Variants in ST14 observed in about 807,000 individuals in gnomAD.
ST14 encodes suppressor of tumorigenicity 14 protein.
Under a neutral mutation model 96.5 loss-of-function variants are expected in ST14, and 40 were observed. That is an observed-to-expected ratio of 0.41 (90% CI 0.32 to 0.54). The LOEUF (loss-of-function observed/expected upper bound fraction) is 0.54, where lower values mean the gene tolerates loss of function less well. Among genes scored for constraint, ST14 ranks in the 20% least tolerant of loss-of-function variants. The probability of loss-of-function intolerance (pLI) is 0.17; values close to 1 mark genes in which losing one functional copy is unlikely to be tolerated. For synonymous variants in ST14, 506 were observed against 492.1 expected, an observed-to-expected ratio of 1.03 and a Z score of -0.37; for missense variants, 1,066 against 1,188.9, an observed-to-expected ratio of 0.90 and a Z score of 1.52.
chr11:130,188,319 C>T lies in ST14; in HGVS notation c.241+46C>T. On this transcript the variant is annotated intron_variant, in intron 2 of 18. Coordinates refer to ENST00000278742, the MANE Select transcript of ST14 (RefSeq NM_021978.4). This position sits in a 1 kb window ranked among gnomAD's most constrained non-coding sequence, Gnocchi z 5.4. ...CTCCGGGGAGGACGACAAGGGGTGG[C>T]TGTCCCTCTTCCCTCAGCGGACAGA... The T allele has an allele frequency of 6.3e-7, 1 of 1,596,916 alleles. No homozygotes were observed. The highest frequency in any genetic ancestry group is 8.5e-7 in the Non-Finnish European group (1 of 1,170,568).
intron 1 of ST14, among the ~76,000 whole-genome samples, chr11:130,179,403 T>C (rs1041013412): frequency 3.9e-5 from 6 of 152,166 alleles, no homozygotes; most frequent in Admixed American, 2.6e-4. Context: ...TTACCCCTGG[T>C]TGGGGAGTGG....
At chr11:130,179,179 C>T (rs369630065) in intron 1 of ST14, among the ~76,000 whole-genome samples, 1 of 152,206 alleles carries the variant, frequency 6.6e-6, no homozygotes, top group Non-Finnish European at 1.5e-5. Context: ...ATAAAAACTT[C>T]CACATCCGAG....
chr11:130,197,413 C>A (rs535860234), intron 11 of ST14, among the ~76,000 whole-genome samples: 2 of 152,376 alleles, frequency 1.3e-5, no homozygotes, highest in South Asian at 4.1e-4. Flanking sequence ...GAAGGAAGTG[C>A]GCGATGCCGC....
rs1211642958 is a variant in ST14, at chr11:130,187,081, G to A, written c.82-1033G>A. Among the ~76,000 whole-genome samples, 4 of 152,170 alleles carry A rather than the reference G, an allele frequency of 2.6e-5. No homozygotes were observed. The highest frequency in any genetic ancestry group is 9.7e-5 in the African/African-American group (4 of 41,434). On this transcript the variant is annotated intron_variant, in intron 1 of 18. Coordinates refer to ENST00000278742, the MANE Select transcript of ST14 (RefSeq NM_021978.4). This position sits in a 1 kb window ranked among gnomAD's most constrained non-coding sequence, Gnocchi z 4.5. ...GCTTAAATTTACACTGTCGAATTAC[G>A]AGATCACCACCAGAAGAATGACATC...
At chr11:130,192,649 C>T (rs1953315893) in intron 7 of ST14, among the ~76,000 whole-genome samples, 1 of 152,244 alleles carries the variant, frequency 6.6e-6, no homozygotes, top group Non-Finnish European at 1.5e-5. Context: ...GCCTTGGCCT[C>T]CCAAAGTACT....
intron 14 of ST14, 30 bp downstream of exon 14, chr11:130,198,651 G>T: frequency 6.3e-7 from 1 of 1,599,024 alleles, no homozygotes; most frequent in Non-Finnish European, 8.6e-7. Flanking sequence ...TCTTCCTGTT[G>T]GGGGCCTCGC....
In ST14 at chr11:130,200,001, G is replaced by C; in HGVS notation, c.1858G>C (p.Asp620His). The C allele has an allele frequency of 6.2e-7, 1 of 1,614,092 alleles. No individual in the cohort carries two copies. Among genetic ancestry groups the C allele is most frequent in the Non-Finnish European group, 8.5e-7 (1 of 1,179,968 alleles). ...TRQARVVGGTDADEGEWPWQV... is the reference protein window; with the variant it reads ...TRQARVVGGTHADEGEWPWQV... ...ACAGGCTCGTGTTGTTGGGGGCACG[G>C]ATGCGGATGAGGGCGAGTGGCCCTG... The change falls in exon 16 of 19, where the codon GAT becomes CAT. Residue 620 changes from aspartate to histidine, a missense_variant. Asp to His is a moderately conservative substitution (Grantham distance 81, BLOSUM62 -1). Transcript: ENST00000278742.
rs1238993881 is a variant in ST14 at position 130,187,324 on chromosome 11, C to A, written c.82-790C>A. On this transcript the variant is annotated intron_variant, in intron 1 of 18. Transcript: ENST00000278742. The surrounding 1 kb of genome is among the most constrained non-coding windows in gnomAD (Gnocchi z 4.5). ...GCAGCAGACACCCCACCTGCCCCTC[C>A]GTATTCTGGCCCCTCATCATGGATA... 6.6e-6 allele frequency among the ~76,000 whole-genome samples: 1 copy of A among 152,216 alleles called. No homozygotes were observed. The highest frequency in any genetic ancestry group is 2.1e-4 in the South Asian group (1 of 4,826).
intron 17 of ST14, 96 bp from the exon 18 acceptor site, chr11:130,209,346 C>T (rs1474718511): frequency 7.3e-6 from 11 of 1,511,436 alleles, no homozygotes; most frequent in Admixed American, 3.9e-5. Flanking sequence ...CTGGGCTGTT[C>T]CAGAGTTTTC....
intron 1 of ST14, among the ~76,000 whole-genome samples, chr11:130,172,809 A>ATTTAT (rs1304024887): frequency 6.6e-6 from 1 of 152,102 alleles, no homozygotes; most frequent in African/African-American, 2.4e-5. Context: ...TGCCGTGTTT[A>ATTTAT]TTTATTTGCA....
intron 1 of ST14, among the ~76,000 whole-genome samples, chr11:130,175,287 C>G (rs1408343943): frequency 6.6e-6 from 1 of 152,030 alleles, no homozygotes; most frequent in African/African-American, 2.4e-5. Context: ...TAGAACATAT[C>G]TTGGCTGATT....
At position 130,188,856 on chromosome 11, in the gene ST14, T is replaced by A; in HGVS notation, c.370-13T>A. On this transcript the variant is annotated splice_polypyrimidine_tract_variant and intron_variant, in intron 3 of 18. Coordinates refer to ENST00000278742, the MANE Select transcript of ST14 (RefSeq NM_021978.4). The surrounding 1 kb of genome is among the most constrained non-coding windows in gnomAD (Gnocchi z 5.4). ...CCGCATGGGGCTCACCTTGAGTCTC[T>A]GCCCTTCCTCAGCTGAAGCTGCTGT... is the stretch of plus-strand genomic sequence containing the variant. The A allele has an allele frequency of 1.2e-6, 2 of 1,612,340 alleles. No homozygotes were observed. The highest frequency in any genetic ancestry group is 8.5e-7 in the Non-Finnish European group (1 of 1,179,366).
intron 11 of ST14, 124 bp from the exon 12 acceptor site, chr11:130,197,717 G>A (rs897325664): frequency 5.1e-6 from 4 of 789,650 alleles, no homozygotes. Context: ...CCCTGCCCTG[G>A]GCCACAGCAC....
chr11:130,209,901 ACT>A lies in ST14; in HGVS notation c.*79_*80del. The A allele has an allele frequency of 6.4e-7, 1 of 1,554,838 alleles. No individual in the cohort carries two copies. The highest frequency in any genetic ancestry group is 8.8e-7 in the Non-Finnish European group (1 of 1,141,170). On this transcript the variant is annotated 3_prime_UTR_variant, in exon 19 of 19. Coordinates refer to ENST00000278742, the MANE Select transcript of ST14 (RefSeq NM_021978.4). ...CAGTGTGCACGCCTGCAGGCTGGAGACTGGACCGCTGACTGCACCAGCGCCCC... is the reference window on the plus strand; with the variant it reads ...CAGTGTGCACGCCTGCAGGCTGGAGAGGACCGCTGACTGCACCAGCGCCCC...
chr11:130,188,499 C>T lies in ST14; in HGVS notation c.242-31C>T, dbSNP rs780509353. The T allele has an allele frequency of 1.2e-6, 2 of 1,611,474 alleles. No homozygotes were observed. The highest frequency in any genetic ancestry group is 1.7e-6 in the Non-Finnish European group (2 of 1,179,872). ...GGACAGGCGGGGGTGGTACCACCTC[C>T]CCTGACTGAGCGCCTTCTGGTCTCA... On this transcript the variant is annotated intron_variant, in intron 2 of 18. Transcript: ENST00000278742. The surrounding 1 kb of genome is among the most constrained non-coding windows in gnomAD (Gnocchi z 5.4).
Position 130,196,412 on chromosome 11 carries a change from C to A in ST14, c.1187C>A (p.Thr396Asn), listed in dbSNP as rs1252119967. The A allele has an allele frequency of 1.9e-6, 3 of 1,610,612 alleles. No homozygotes were observed. Among genetic ancestry groups the A allele is most frequent in the Non-Finnish European group, 2.5e-6 (3 of 1,178,744 alleles). The change falls in exon 10 of 19, where the codon ACC (threonine) becomes AAC (asparagine). Residue 396 changes from threonine (T) to asparagine (N), a missense_variant. Transcript: ENST00000278742. ...CTGGAGCCCGGCGTGCCTGCGGGCA[C>A]CTGCCCCAAGGACTACGTGGAGATC... ...YLLEPGVPAGTCPKDYVEING... is the reference protein window; with the variant it reads ...YLLEPGVPAGNCPKDYVEING...
At chr11:130,176,457 C>T (rs529995279) in intron 1 of ST14, among the ~76,000 whole-genome samples, 12 of 151,716 alleles carry the variant, frequency 7.9e-5, no homozygotes, top group East Asian at 3.9e-4. Context: ...GGCGCAATCT[C>T]GGCTCACTGC....
At chr11:130,204,815 A>G (rs1953470323) in intron 16 of ST14, among the ~76,000 whole-genome samples, 1 of 152,016 alleles carries the variant, frequency 6.6e-6, no homozygotes, top group Non-Finnish European at 1.5e-5. Flanking sequence ...CTCCATCTCA[A>G]GAAAAAAGAA....
At chr11:130,194,391 T>C (rs1379371367) in intron 8 of ST14, 103 bp downstream of exon 8, 1 of 1,522,796 alleles carries the variant, frequency 6.6e-7, no homozygotes, top group Admixed American at 1.9e-5. Context: ...CTAGACCCTG[T>C]GGTTGGCGAG....
Sources: gnomAD v4.1 joint callset for allele counts (sites outside exome capture counted in the v4.1 genomes callset) on GRCh38, gnomAD v4.1.1 for gene constraint, Gnocchi (gnomAD v3.1) non-coding constraint, MANE v1.5 for transcripts, NCBI Gene and HGNC (gene_info 2026-07-23, HGNC 2026-07-21) for gene names.